Variants in ROBO2 observed in about 807,000 individuals in gnomAD.
ROBO2 encodes the protein roundabout guidance receptor 2.
In ROBO2, 53 loss-of-function variants were observed where a neutral mutation model predicts 160.8. That is an observed-to-expected ratio of 0.33 (90% CI 0.26 to 0.41). ROBO2 has a LOEUF of 0.41. Ranked by LOEUF, ROBO2 falls within the 10% of genes least tolerant of loss-of-function variation. The pLI is 1.00. For missense variants in ROBO2, 1,577 were observed against 1,722.4 expected, an observed-to-expected ratio of 0.92 and a Z score of 1.49; for synonymous variants, 664 against 611.7, an observed-to-expected ratio of 1.09 and a Z score of -1.26.
intron 2 of ROBO2, among the ~76,000 whole-genome samples, chr3:77,354,107 A>T (rs567005340): frequency 6.6e-6 from 1 of 152,280 alleles, no homozygotes; most frequent in East Asian, 1.9e-4. Context: ...TTGTTTGAGG[A>T]TGTTGTTCTC....
chr3:76,332,339 G>GTACCC (rs2073553604), intron 2 of ROBO2, among the ~76,000 whole-genome samples: 1 of 152,106 alleles, frequency 6.6e-6, no homozygotes, highest in Admixed American at 6.5e-5. Flanking sequence ...GCCAAATTTA[G>GTACCC]TACCCTTTCA....
At chr3:76,342,585 A>G (rs72630401) in intron 2 of ROBO2, among the ~76,000 whole-genome samples, 11,311 of 152,122 alleles carry the variant, frequency 0.074, 975 homozygotes, top group East Asian at 0.42. Context: ...GGATGGATAC[A>G]CTATCTCTAT....
At position 76,934,670 on chromosome 3, in the gene ROBO2, GGCGGAGGTT is replaced by G. The variant is rs2077573530; in HGVS notation, c.110-163341_110-163333del. On this transcript the variant is annotated intron_variant, in intron 2 of 26. Transcript: ENST00000487694. ...GCAGGAGAATCCCTTGAACCCGGGA[GGCGGAGGTT>G]GCAGTGAGCCGAGATATACCGCCAC... 2.6e-5 allele frequency among the ~76,000 whole-genome samples: 4 copies of G among 152,148 alleles called. No homozygotes were observed. In the South Asian group the frequency reaches 8.3e-4, roughly 31 times the overall value.
At chr3:76,370,773 G>C (rs977600101) in intron 2 of ROBO2, among the ~76,000 whole-genome samples, 3 of 151,900 alleles carry the variant, frequency 2.0e-5, no homozygotes, top group Admixed American at 2.0e-4. Context: ...TAATTCAATT[G>C]ATTTTGTATG....
chr3:77,325,953 A>C (rs1211994830), intron 2 of ROBO2, among the ~76,000 whole-genome samples: 1 of 152,214 alleles, frequency 6.6e-6, no homozygotes, highest in African/African-American at 2.4e-5. Context: ...TTCCCATGGA[A>C]TTGAAGATCC....
chr3:76,489,530 A>G (rs1229338650), intron 2 of ROBO2, among the ~76,000 whole-genome samples: 1 of 152,168 alleles, frequency 6.6e-6, no homozygotes, highest in Admixed American at 6.6e-5. Flanking sequence ...GTGGTTCCAA[A>G]GTGAAGTAAG....
At chr3:76,743,906 C>T (rs565525570) in intron 2 of ROBO2, among the ~76,000 whole-genome samples, 2 of 152,086 alleles carry the variant, frequency 1.3e-5, no homozygotes, top group South Asian at 2.1e-4. Flanking sequence ...TCAAAACTCT[C>T]AATAGTTCTA....
chr3:77,480,860 G>C (rs369635250), intron 3 of ROBO2, among the ~76,000 whole-genome samples: 1 of 152,062 alleles, frequency 6.6e-6, no homozygotes, highest in Admixed American at 6.6e-5. Context: ...CTCAAAATGC[G>C]ATCAGGAAAG....
At chr3:76,171,393 G>A (rs1479244070) in intron 2 of ROBO2, among the ~76,000 whole-genome samples, 1 of 151,876 alleles carries the variant, frequency 6.6e-6, no homozygotes, top group African/African-American at 2.4e-5. Flanking sequence ...CAGTCAGGTG[G>A]GAAAGGGAAG....
chr3:76,742,872 C>T (rs1238089115), intron 2 of ROBO2, among the ~76,000 whole-genome samples: 1 of 146,664 alleles, frequency 6.8e-6, no homozygotes, highest in Non-Finnish European at 1.5e-5. Context: ...ATATTAACTC[C>T]TTAATTTAAC....
rs774096434 is a variant in ROBO2 at position 77,093,275 on chromosome 3, AG to A, written c.62-4735del. Among the ~76,000 whole-genome samples the A allele has an allele frequency of 1.4e-4, 22 of 152,180 alleles. 1 individual carries two copies. The East Asian group carries it at 3.9e-3, about 27-fold the overall frequency. ...TGGATCATGCTTTTGTTGCTAGTTG[AG>A]GGGCTCACACTTTAGATGTCCAAAA... On this transcript the variant is annotated intron_variant, in intron 1 of 25. Transcript: ENST00000461745.
At chr3:77,020,823 A>T (rs763071254) in intron 2 of ROBO2, among the ~76,000 whole-genome samples, 27 of 152,294 alleles carry the variant, frequency 1.8e-4, no homozygotes, top group Non-Finnish European at 3.4e-4. Flanking sequence ...TATGTACATT[A>T]TTTTCTTTGT....
intron 2 of ROBO2, among the ~76,000 whole-genome samples, chr3:76,127,853 A>G (rs1655406022): frequency 6.6e-6 from 1 of 151,922 alleles, no homozygotes; most frequent in Admixed American, 6.6e-5. Context: ...ACATAAGGTA[A>G]AATAATCACT....
chr3:76,746,354 T>C (rs1179643030), intron 2 of ROBO2, among the ~76,000 whole-genome samples: 2 of 151,978 alleles, frequency 1.3e-5, no homozygotes, highest in Non-Finnish European at 2.9e-5. Flanking sequence ...TACCCAGTAA[T>C]GGGATGGCTG....
intron 2 of ROBO2, among the ~76,000 whole-genome samples, chr3:76,172,307 GC>G (rs2073072616): frequency 1.3e-5 from 2 of 151,134 alleles, no homozygotes; most frequent in Non-Finnish European, 2.9e-5. Flanking sequence ...GGGAGGGATA[GC>G]ATTAGGAGAT....
intron 2 of ROBO2, among the ~76,000 whole-genome samples, chr3:77,219,989 T>C (rs1266185256): frequency 4.0e-5 from 6 of 151,642 alleles, no homozygotes; most frequent in Admixed American, 1.3e-4. Context: ...TCAGAAAACA[T>C]ACTAATAGTT....
intron 2 of ROBO2, among the ~76,000 whole-genome samples, chr3:76,492,757 G>C (rs1283525887): frequency 6.6e-6 from 1 of 151,890 alleles, no homozygotes; most frequent in Non-Finnish European, 1.5e-5. Context: ...AACTAACTTG[G>C]ACTTTCTGAC....
At chr3:76,963,601 T>C in intron 2 of ROBO2, among the ~76,000 whole-genome samples, 1 of 152,202 alleles carries the variant, frequency 6.6e-6, no homozygotes, top group South Asian at 2.1e-4. Flanking sequence ...ATATTAGCTC[T>C]GTGTAAACTT....
intron 2 of ROBO2, among the ~76,000 whole-genome samples, chr3:76,540,025 A>C (rs1414109116): frequency 6.6e-6 from 1 of 152,224 alleles, no homozygotes; most frequent in Non-Finnish European, 1.5e-5. Context: ...TCCATTTTAA[A>C]GGACACTCCA....
Sources: allele counts gnomAD v4.1 joint callset (sites outside exome capture counted in the v4.1 genomes callset), GRCh38; gene constraint gnomAD v4.1.1; transcripts MANE v1.5; gene names NCBI Gene and HGNC (gene_info 2026-07-23, HGNC 2026-07-21).